The following ZNF395 variants were observed in gnomAD, a reference collection of about 807,000 sequenced individuals.
The protein encoded by ZNF395 is zinc finger protein 395.
A neutral mutation model predicts 57.7 loss-of-function variants in ZNF395; 20 were observed. The ratio of observed to expected loss-of-function variants is 0.35; its 90% CI spans 0.24 to 0.50. The LOEUF is 0.50. Ranked by LOEUF, ZNF395 falls within the 20% of genes least tolerant of loss-of-function variation. The pLI is 0.97. For missense variants in ZNF395, 606 were observed against 671.2 expected, an observed-to-expected ratio of 0.90 and a Z score of 1.07; for synonymous variants, 295 against 275.9, an observed-to-expected ratio of 1.07 and a Z score of -0.69.
At chr8:28,367,996 C>T (rs1037142696) in intron 1 of ZNF395, among the ~76,000 whole-genome samples, 1 of 152,158 alleles carries the variant, frequency 6.6e-6, no homozygotes, top group African/African-American at 2.4e-5. Flanking sequence ...TGAGGGGACG[C>T]AGTTGTCCTG....
chr8:28,354,091 G>A (rs1251030027), intron 4 of ZNF395, among the ~76,000 whole-genome samples: 1 of 152,210 alleles, frequency 6.6e-6, no homozygotes, highest in African/African-American at 2.4e-5. Context: ...TAACATGTTT[G>A]GAGGAGGAAA....
intron 1 of ZNF395, among the ~76,000 whole-genome samples, chr8:28,378,548 T>G (rs1458142546): frequency 6.6e-6 from 1 of 152,214 alleles, no homozygotes; most frequent in Non-Finnish European, 1.5e-5. Context: ...ACCTGTTTTT[T>G]GTTTTGTTTT....
At chr8:28,385,319 G>A (rs1802158972) in intron 1 of ZNF395, 1 of 152,326 alleles carries the variant, frequency 6.6e-6, no homozygotes, top group African/African-American at 2.4e-5. Context: ...CAAAGTGAAG[G>A]CGCTGAGCCC....
chr8:28,378,199 C>T (rs193169839), intron 1 of ZNF395, among the ~76,000 whole-genome samples: 2 of 152,130 alleles, frequency 1.3e-5, no homozygotes, highest in African/African-American at 4.8e-5. Context: ...AAACTGAGTT[C>T]TGACCCAACT....
At chr8:28,357,741 C>T (rs1437721476) in intron 3 of ZNF395, among the ~76,000 whole-genome samples, 21 of 152,230 alleles carry the variant, frequency 1.4e-4, no homozygotes, top group Admixed American at 1.4e-3. Context: ...ACTGAATACA[C>T]TATCACAAAT....
chr8:28,360,873 G>A lies in ZNF395; in HGVS notation c.240+12C>T. 6.2e-7 allele frequency: 1 copy of A among 1,612,922 alleles called. No individual in the cohort carries two copies. The highest frequency in any genetic ancestry group is 1.7e-5 in the Admixed American group (1 of 59,904). On this transcript the variant is annotated intron_variant, in intron 2 of 9. Coordinates refer to ENST00000344423, the MANE Select transcript of ZNF395 (RefSeq NM_018660.3). The stretch of plus-strand genomic sequence containing the variant: ...CAAGACGGGACACCTGTCCATGTTG[G>A]GATCAACCTACCTTCTGCCCAGGCT...
At position 28,356,823 on chromosome 8, in the gene ZNF395, G is replaced by T. The variant is rs1340466605; in HGVS notation, c.474-44C>A. On this transcript the variant is annotated intron_variant, in intron 3 of 9. Coordinates refer to ENST00000344423, the MANE Select transcript of ZNF395 (RefSeq NM_018660.3). This position sits in a 1 kb window ranked among gnomAD's most constrained non-coding sequence, Gnocchi z 4.0. ...GTGGGAAATGTTACTTCCTGGCATG[G>T]CGGGCCCATGGTCCTTGCAAAACGA... 1.3e-6 allele frequency: 2 copies of T among 1,510,026 alleles called. No individual in the cohort carries two copies. Among genetic ancestry groups the T allele is most frequent in the Non-Finnish European group, 1.8e-6 (2 of 1,103,766 alleles). The allele number at this position is 1,510,026 out of a possible 1,614,324, so 93.5% of individuals were successfully genotyped here. A position where few individuals can be genotyped will look rare whatever the true frequency, so the allele number is the denominator to read the frequency against.
At position 28,346,363 on chromosome 8, in the gene ZNF395, A is replaced by AC. The variant is rs2129927803; in HGVS notation, c.*2355dup. On this transcript the variant is annotated 3_prime_UTR_variant, in exon 10 of 10. Coordinates refer to ENST00000344423, the MANE Select transcript of ZNF395 (RefSeq NM_018660.3). ...CCTCCAAGAAGGCATGAATGGAACA[A>AC]CCCCGAGAACAGAGCACGTGTGAAG... 6.6e-6 allele frequency: 1 copy of AC among 152,128 alleles called. No homozygotes were observed. The highest frequency in any genetic ancestry group is 2.4e-5 in the African/African-American group (1 of 41,464). The allele number at this position is 152,128 out of a possible 1,614,324, so 9.4% of individuals were successfully genotyped here.
At position 28,384,831 on chromosome 8, in the gene ZNF395, C is replaced by T. The variant is rs575429921; in HGVS notation, c.-59+1562G>A. Reference sequence around the variant, plus strand: ...GGCAGCCACTGCACATTAACTTGAACGTAAACTCCTAAATCACTTCCACCT... The same window carrying T: ...GGCAGCCACTGCACATTAACTTGAATGTAAACTCCTAAATCACTTCCACCT... On this transcript the variant is annotated intron_variant, in intron 1 of 9. Transcript: ENST00000344423. Among the ~76,000 whole-genome samples, 7 of 152,354 alleles carry T rather than the reference C, an allele frequency of 4.6e-5. No individual in the cohort carries two copies. In the South Asian group the frequency reaches 6.2e-4, roughly 14 times the overall value.
At chr8:28,385,247 A>AGGC (rs1285074788) in intron 1 of ZNF395, 1 of 152,668 alleles carries the variant, frequency 6.6e-6, no homozygotes, top group African/African-American at 2.4e-5. Flanking sequence ...CAAAACCGGG[A>AGGC]GGCGGCGGCG....
intron 1 of ZNF395, among the ~76,000 whole-genome samples, chr8:28,373,038 A>G (rs149143839): frequency 2.8e-4 from 43 of 152,332 alleles, no homozygotes; most frequent in African/African-American, 1.0e-3. Context: ...ATGCTGGAAT[A>G]CCCCAGTGAA....
At chr8:28,384,100 T>C (rs1802141964) in intron 1 of ZNF395, among the ~76,000 whole-genome samples, 1 of 152,164 alleles carries the variant, frequency 6.6e-6, no homozygotes, top group African/African-American at 2.4e-5. Context: ...CTGGCCACCC[T>C]GCAACTCCAA....
chr8:28,364,607 T>A (rs1054899166), intron 1 of ZNF395, among the ~76,000 whole-genome samples: 9 of 143,236 alleles, frequency 6.3e-5, no homozygotes, highest in African/African-American at 2.4e-4. Flanking sequence ...TGAGCTGAGA[T>A]CGCACCACTG....
intron 1 of ZNF395, among the ~76,000 whole-genome samples, chr8:28,366,814 T>TAAAA (rs5890411): frequency 7.5e-6 from 1 of 133,808 alleles, no homozygotes; most frequent in Non-Finnish European, 1.6e-5. Flanking sequence ...AAAGAAAGTT[T>TAAAA]AAAAAAAAAA....
rs977294366 is a variant in ZNF395, at chr8:28,348,505, T to C, written c.*214A>G. The C allele has an allele frequency of 7.6e-6, 4 of 527,868 alleles. No homozygotes were observed. In the African/African-American group the frequency reaches 7.7e-5, roughly 10 times the overall value. The allele number at this position is 527,868 out of a possible 1,614,324, so 32.7% of individuals were successfully genotyped here. ...GGTCAGTTTTGGCTCTCTCCTATTT[T>C]AGGGGGAAAAATATTTTTGTTTCTT... On this transcript the variant is annotated 3_prime_UTR_variant, in exon 10 of 10. Coordinates refer to ENST00000344423, the MANE Select transcript of ZNF395 (RefSeq NM_018660.3).
intron 1 of ZNF395, among the ~76,000 whole-genome samples, chr8:28,373,737 C>T (rs534691920): frequency 6.6e-6 from 1 of 152,282 alleles, no homozygotes; most frequent in African/African-American, 2.4e-5. Flanking sequence ...AGAGCCCTTC[C>T]CAATACCAAC....
In ZNF395 at chr8:28,350,174, G is replaced by A; in HGVS notation, c.1234-18C>T. On this transcript the variant is annotated intron_variant, in intron 7 of 9. Coordinates refer to ENST00000344423, the MANE Select transcript of ZNF395 (RefSeq NM_018660.3). ...GGCAGAGCCTGCGGAAGACGAGGGTGTCAGCCCGGATTCTAGCTCAGGAAG... is the reference window on the plus strand; with the variant it reads ...GGCAGAGCCTGCGGAAGACGAGGGTATCAGCCCGGATTCTAGCTCAGGAAG... The A allele has an allele frequency of 6.3e-7, 1 of 1,587,598 alleles. No homozygotes were observed. The highest frequency in any genetic ancestry group is 1.7e-4 in the Middle Eastern group (1 of 6,018).
At chr8:28,349,896 G>A (rs1048343304) in intron 8 of ZNF395, among the ~76,000 whole-genome samples, 168 bp downstream of exon 8, 7 of 152,248 alleles carry the variant, frequency 4.6e-5, no homozygotes, top group Admixed American at 4.6e-4. Flanking sequence ...GGAGTGCCAG[G>A]GAGGGGGCAG....
intron 1 of ZNF395, among the ~76,000 whole-genome samples, chr8:28,385,657 G>A (rs1295260464): frequency 6.7e-6 from 1 of 148,688 alleles, no homozygotes; most frequent in Middle Eastern, 3.5e-3. Context: ...GGGCGCGGGA[G>A]GGCCGGGCGG....
Sources: gnomAD v4.1 joint callset for allele counts (sites outside exome capture counted in the v4.1 genomes callset) on GRCh38, gnomAD v4.1.1 for gene constraint, Gnocchi (gnomAD v3.1) non-coding constraint, MANE v1.5 for transcripts, NCBI Gene and HGNC (gene_info 2026-07-23, HGNC 2026-07-21) for gene names.